SUGP2: variants seen among roughly 807,000 people sequenced by gnomAD.
The protein encoded by SUGP2 is SURP and G-patch domain-containing protein 2.
In SUGP2, 24 loss-of-function variants were observed where a neutral mutation model predicts 90.5. That is an observed-to-expected ratio of 0.27 (90% CI 0.19 to 0.37). The LOEUF is 0.37. Among genes scored for constraint, SUGP2 ranks in the 10% least tolerant of loss-of-function variants. SUGP2 has a pLI of 1.00. For synonymous variants in SUGP2, 473 were observed against 513.4 expected (o/e 0.92, Z 1.06); for missense variants, 1,233 against 1,363.3 (o/e 0.90, Z 1.51).
rs1259602636 is a variant in SUGP2 at position 18,995,276 on chromosome 19, G to C, written c.2996C>G (p.Pro999Arg). 1.9e-6 allele frequency: 3 copies of C among 1,605,290 alleles called. No homozygotes were observed. The highest frequency in any genetic ancestry group is 8.5e-7 in the Non-Finnish European group (1 of 1,176,018). ...RGRPMSKKKK[P>R]KDLDFAQQKL... Reference sequence around the variant, plus strand: ...CTGCTGGGCGAAGTCCAAGTCCTTGGGTTTCTGAGGAGAGAGGAGAGTCCA... The same window carrying C: ...CTGCTGGGCGAAGTCCAAGTCCTTGCGTTTCTGAGGAGAGAGGAGAGTCCA... The change falls in exon 9 of 11, where the codon CCC becomes CGC. Residue 999 changes from proline (P) to arginine (R), a missense_variant. By Grantham distance (103) the Pro-to-Arg change is moderately radical. Coordinates refer to ENST00000452918, the MANE Select transcript of SUGP2 (RefSeq NM_001017392.5).
Position 19,004,554 on chromosome 19 carries a change from T to C in SUGP2, c.2543A>G (p.His848Arg). 1 of 1,614,264 alleles carries C rather than the reference T, an allele frequency of 6.2e-7. No individual in the cohort carries two copies. The highest frequency in any genetic ancestry group is 8.5e-7 in the Non-Finnish European group (1 of 1,180,044). Residue 848 changes from histidine (H) to arginine (R), a missense_variant, in exon 7 of 11, where the codon CAC becomes CGC. Physicochemically the swap from His to Arg is conservative, Grantham distance 29. Around this residue, in one of 8 missense-constraint regions of SUGP2, gnomAD observed 540 missense variants for 542.6 expected, o/e 1.00. Coordinates refer to ENST00000452918, the MANE Select transcript of SUGP2 (RefSeq NM_001017392.5). ...GTCACCACCACCAGTGTGAAGGTTG[T>C]GCGGAGATGACGTGAAACAAATTGA... ...CPSICFTSSP[H>R]NLHTGGGDTT...
rs1216242876 is a variant in SUGP2, at chr19:19,008,588, ACT to A, written c.2339-162_2339-161del. Among the ~76,000 whole-genome samples, 3 of 152,108 alleles carry A rather than the reference ACT, an allele frequency of 2.0e-5. No homozygotes were observed. The East Asian group carries it at 5.8e-4, about 29-fold the overall frequency. ...TGGACCCTTTGTCACCAAGAAGTGAACTCTGTGTATCCCCACCTTGAATCAGG... is the reference window on the plus strand; with the variant it reads ...TGGACCCTTTGTCACCAAGAAGTGAACTGTGTATCCCCACCTTGAATCAGG... On this transcript the variant is annotated intron_variant, in intron 5 of 10. Coordinates refer to ENST00000452918, the MANE Select transcript of SUGP2 (RefSeq NM_001017392.5).
At chr19:19,002,811 C>A (rs1042018064) in intron 7 of SUGP2, among the ~76,000 whole-genome samples, 1 of 152,074 alleles carries the variant, frequency 6.6e-6, no homozygotes, top group South Asian at 2.1e-4. Flanking sequence ...GCACACCCGG[C>A]GCAGGTCTGG....
rs767205084 is a variant in SUGP2 at position 19,025,327 on chromosome 19, T to C, written c.1021A>G (p.Ile341Val). The stretch of plus-strand genomic sequence containing the variant: ...TGGGAAAATTTAATATCATCTTTTA[T>C]GGTGTGGAATCCTGCCCATTTGATT... ...EIIKWAGFHT[I>V]KDDIKFSQLF... is the part of the protein sequence containing the mutation. The change falls in exon 3 of 11, where the codon ATA becomes GTA. Residue 341 changes from isoleucine to valine, a missense_variant. Physicochemically the swap from Ile to Val is conservative, Grantham distance 29. Transcript: ENST00000452918. 3.7e-6 allele frequency: 6 copies of C among 1,613,652 alleles called. No homozygotes were observed. The African/African-American group carries it at 6.7e-5, about 18-fold the overall frequency.
chr19:19,029,814 G>A (rs2059080407), intron 2 of SUGP2, among the ~76,000 whole-genome samples: 1 of 151,874 alleles, frequency 6.6e-6, no homozygotes, highest in African/African-American at 2.4e-5. Context: ...ATGGTGGCAG[G>A]CACCTGTAAT....
intron 3 of SUGP2, among the ~76,000 whole-genome samples, chr19:19,024,299 T>A (rs2058839867): frequency 1.3e-5 from 2 of 151,486 alleles, no homozygotes; most frequent in South Asian, 4.2e-4. Context: ...TTAGTAGAGA[T>A]GGGGTTTCAC....
At chr19:19,019,335 T>C in intron 3 of SUGP2, 106 bp from the exon 4 acceptor site, 1 of 1,289,116 alleles carries the variant, frequency 7.8e-7, no homozygotes, top group Non-Finnish European at 1.0e-6. Context: ...CAAGCAGGCA[T>C]CAACAACCGA....
intron 8 of SUGP2, among the ~76,000 whole-genome samples, chr19:18,997,122 C>A (rs1327916574): frequency 6.6e-6 from 1 of 152,118 alleles, no homozygotes; most frequent in Non-Finnish European, 1.5e-5. Flanking sequence ...TGATGTCATG[C>A]AGGCCTCACG....
chr19:19,008,664 T>C (rs903305764), intron 5 of SUGP2, among the ~76,000 whole-genome samples: 1 of 152,206 alleles, frequency 6.6e-6, no homozygotes, highest in Non-Finnish European at 1.5e-5. Context: ...GAAAAGCCCA[T>C]TGCCAGTTCC....
At chr19:19,032,559 C>T (rs1207699817) in intron 1 of SUGP2, among the ~76,000 whole-genome samples, 1 of 152,046 alleles carries the variant, frequency 6.6e-6, no homozygotes, top group African/African-American at 2.4e-5. Context: ...AGTGGCGGGA[C>T]CCCCAACCAA....
chr19:19,016,923 A>G (rs2058521032), intron 4 of SUGP2, among the ~76,000 whole-genome samples: 1 of 152,234 alleles, frequency 6.6e-6, no homozygotes, highest in South Asian at 2.1e-4. Context: ...AATACATGAA[A>G]ATAATCCAAA....
At chr19:19,028,582 G>C (rs2059021583) in intron 2 of SUGP2, among the ~76,000 whole-genome samples, 1 of 152,236 alleles carries the variant, frequency 6.6e-6, no homozygotes, top group African/African-American at 2.4e-5. Flanking sequence ...GAAAAGTTCA[G>C]AGTGGAGCAG....
At chr19:19,007,683 C>T (rs1473479755) in intron 6 of SUGP2, among the ~76,000 whole-genome samples, 15 of 151,234 alleles carry the variant, frequency 9.9e-5, no homozygotes, top group Non-Finnish European at 1.5e-5. Context: ...GTCTCAAATG[C>T]CTGACCTCAT....
At chr19:19,000,042 G>A (rs577271816) in intron 8 of SUGP2, among the ~76,000 whole-genome samples, 5 of 152,048 alleles carry the variant, frequency 3.3e-5, no homozygotes, top group South Asian at 2.1e-4. Context: ...CCTGGTTCCC[G>A]CCCACAGGCT....
At position 19,033,508 on chromosome 19, in the gene SUGP2, A is replaced by T. The variant is rs1355310528; in HGVS notation, c.-83T>A. On this transcript the variant is annotated 5_prime_UTR_variant, in exon 1 of 11. Transcript: ENST00000452918. The stretch of plus-strand genomic sequence containing the variant: ...CCTCACCCGCCGCCGCCGCCGCGCG[A>T]GGCGGGGACATGCAAATGAACCAAC... 3.6e-6 allele frequency: 5 copies of T among 1,403,082 alleles called. No individual in the cohort carries two copies. The South Asian group carries it at 6.8e-5, about 19-fold the overall frequency. The allele number at this position is 1,403,082 out of a possible 1,614,324, so 86.9% of individuals were successfully genotyped here.
chr19:19,023,637 A>C (rs1342108690), intron 3 of SUGP2, among the ~76,000 whole-genome samples: 2 of 152,090 alleles, frequency 1.3e-5, no homozygotes, highest in Non-Finnish European at 2.9e-5. Context: ...AGTGACTCAC[A>C]CCTATAATCC....
At chr19:19,015,229 AAATAAAT>A (rs2058456550) in intron 4 of SUGP2, among the ~76,000 whole-genome samples, 1 of 151,958 alleles carries the variant, frequency 6.6e-6, no homozygotes, top group African/African-American at 2.4e-5. Flanking sequence ...ATAAATAAAT[AAATAAAT>A]AATAAAAAGA....
At chr19:19,030,829 A>C in intron 2 of SUGP2, 122 bp downstream of exon 2, 1 of 1,197,996 alleles carries the variant, frequency 8.3e-7, no homozygotes, top group East Asian at 2.4e-5. Context: ...CCTCCTCCTA[A>C]ATAAGGAAAC....
intron 4 of SUGP2, among the ~76,000 whole-genome samples, chr19:19,014,588 G>C (rs990641753): frequency 5.3e-5 from 8 of 150,706 alleles, no homozygotes; most frequent in African/African-American, 2.0e-4. Flanking sequence ...CCAGGAGTTA[G>C]ACACCAGCCT....
Sources: allele counts gnomAD v4.1 joint callset (sites outside exome capture counted in the v4.1 genomes callset), GRCh38; gene constraint gnomAD v4.1.1; regional missense constraint gnomAD v4.1.1; transcripts MANE v1.5; gene names NCBI Gene and HGNC (gene_info 2026-07-23, HGNC 2026-07-21).